Variants in COMT observed in about 807,000 individuals in gnomAD.
The protein encoded by COMT is catechol-O-methyltransferase.
In COMT, 13 loss-of-function variants were observed where a neutral mutation model predicts 18.9. The ratio of observed to expected loss-of-function variants is 0.69; its 90% CI spans 0.45 to 1.09. COMT has a LOEUF of 1.09. Among genes scored for constraint, COMT ranks in the 50% least tolerant of loss-of-function variants. The pLI, the probability that COMT is intolerant of heterozygous loss-of-function variation, is 0.00. For synonymous variants in COMT, 150 were observed against 160.9 expected, an observed-to-expected ratio of 0.93 and a Z score of 0.51; for missense variants, 329 against 361.8, an observed-to-expected ratio of 0.91 and a Z score of 0.73.
intron 1 of COMT, among the ~76,000 whole-genome samples, chr22:19,952,661 A>AC (rs932907313): frequency 8.4e-5 from 11 of 131,622 alleles, no homozygotes; most frequent in Admixed American, 3.9e-4. Context: ...AACAACAACA[A>AC]AAAAAAAACA....
intron 1 of COMT, among the ~76,000 whole-genome samples, chr22:19,942,278 G>A (rs1373296744): frequency 2.0e-5 from 3 of 152,192 alleles, no homozygotes; most frequent in African/African-American, 7.2e-5. Context: ...AGAGTCACAG[G>A]GGAGGGTCCC....
chr22:19,944,908 C>T (rs746796416), intron 1 of COMT, among the ~76,000 whole-genome samples: 2 of 152,208 alleles, frequency 1.3e-5, no homozygotes, highest in African/African-American at 2.4e-5. Flanking sequence ...TGTTATATTT[C>T]TCCACTGAAG....
chr22:19,965,355 A>G (rs1204030126), intron 5 of COMT: 1 of 152,132 alleles, frequency 6.6e-6, no homozygotes, highest in Non-Finnish European at 1.5e-5. Flanking sequence ...ATATATATAT[A>G]TATTTTAGAT....
At position 19,962,739 on chromosome 22, in the gene COMT, C is replaced by CA; in HGVS notation, c.213_214insA (p.Ala72SerfsTer9). On this transcript the variant is annotated frameshift_variant, in exon 3 of 6. Transcript: ENST00000361682. LOFTEE classifies it high-confidence loss of function. ...TGCTGCAGCATGCGGAGCCCGGGAA[C>CA]GCACAGAGCGTGCTGGAGGCCATTG... 1 of 1,613,736 alleles carries CA rather than the reference C, an allele frequency of 6.2e-7. No homozygotes were observed.
chr22:19,968,827 C>T lies in COMT; in HGVS notation c.*91C>T. The T allele has an allele frequency of 7.8e-7, 1 of 1,283,918 alleles. No homozygotes were observed. The highest frequency in any genetic ancestry group is 1.3e-5 in the South Asian group (1 of 79,970). The allele number at this position is 1,283,918 out of a possible 1,614,324, so 79.5% of individuals were successfully genotyped here. A position where few individuals can be genotyped will look rare whatever the true frequency, so the allele number is the denominator to read the frequency against. On this transcript the variant is annotated 3_prime_UTR_variant, in exon 6 of 6. Transcript: ENST00000361682. ...CCTGCTGACCTTCTGCGGCTCCGGG[C>T]TGTGTCCTAAATGCAAAGCACACCT...
At chr22:19,962,926 C>G (rs1942233226) in intron 3 of COMT, 111 bp downstream of exon 3, 3 of 1,372,566 alleles carry the variant, frequency 2.2e-6, no homozygotes, top group Admixed American at 4.8e-5. Flanking sequence ...GCTGGGAACC[C>G]TGGGATATGC....
intron 2 of COMT, chr22:19,962,142 A>C: frequency 6.3e-6 from 2 of 315,538 alleles, no homozygotes; most frequent in South Asian, 3.3e-5. Context: ...ACTCCGGGCC[A>C]TGGGGCTTCC....
Position 19,943,697 on chromosome 22 carries a change from A to G in COMT, c.-92+1800A>G, listed in dbSNP as rs573959326. Among the ~76,000 whole-genome samples, 82 of 152,278 alleles carry G rather than the reference A, an allele frequency of 5.4e-4. No individual in the cohort carries two copies. The South Asian group carries it at 0.017, about 32-fold the overall frequency. ...TAAAAAGAAAGAAAGAAATAAAAACAAAGATGAATGGAGCTGTTGATAAAC... is the reference window on the plus strand; with the variant it reads ...TAAAAAGAAAGAAAGAAATAAAAACGAAGATGAATGGAGCTGTTGATAAAC... On this transcript the variant is annotated intron_variant, in intron 1 of 5. Coordinates refer to ENST00000361682, the MANE Select transcript of COMT (RefSeq NM_000754.4).
chr22:19,960,245 TCTAACA>T (rs2146158958), intron 1 of COMT, among the ~76,000 whole-genome samples: 1 of 152,358 alleles, frequency 6.6e-6, no homozygotes, highest in South Asian at 2.1e-4. Flanking sequence ...GGTATATATT[TCTAACA>T]CTGTTTTTTA....
chr22:19,945,311 T>A (rs1400584779), intron 1 of COMT, among the ~76,000 whole-genome samples: 1 of 152,204 alleles, frequency 6.6e-6, no homozygotes, highest in Non-Finnish European at 1.5e-5. Flanking sequence ...GTAAGCCACA[T>A]ACCAGGCCAA....
intron 5 of COMT, chr22:19,966,996 T>C: frequency 1.0e-6 from 1 of 985,420 alleles, no homozygotes; most frequent in Non-Finnish European, 1.2e-6. Context: ...CTCCAGGTGG[T>C]CTGAGTAGCT....
In COMT at chr22:19,968,650, T is replaced by C; in HGVS notation, c.730T>C (p.Tyr244His). The change falls in exon 6 of 6, where the codon TAC (tyrosine) becomes CAC (histidine). Residue 244 changes from tyrosine (Y) to histidine (H), a missense_variant. Coordinates refer to ENST00000361682, the MANE Select transcript of COMT (RefSeq NM_000754.4). ...RGSSCFECTH[Y>H]QSFLEYREVV... Reference sequence around the variant, plus strand: ...GAGCAGCTGCTTTGAGTGCACACACTACCAATCGTTCCTGGAATACAGGGA... The same window carrying C: ...GAGCAGCTGCTTTGAGTGCACACACCACCAATCGTTCCTGGAATACAGGGA... The C allele has an allele frequency of 6.2e-7, 1 of 1,614,048 alleles. No homozygotes were observed. Among genetic ancestry groups the C allele is most frequent in the South Asian group, 1.1e-5 (1 of 91,090 alleles).
intron 4 of COMT, 85 bp from the exon 5 acceptor site, chr22:19,964,083 T>C (rs777724220): frequency 7.4e-5 from 119 of 1,610,596 alleles, no homozygotes; most frequent in Non-Finnish European, 9.3e-5. Flanking sequence ...TGTGTGGGCG[T>C]GGGCACTGAC....
At chr22:19,967,078 T>G (rs2146188676) in intron 5 of COMT, 1 of 1,228,454 alleles carries the variant, frequency 8.1e-7, no homozygotes. Flanking sequence ...ACCAGTTTCG[T>G]AAAGGAGTGG....
chr22:19,967,307 G>A (rs1324480163), intron 5 of COMT: 1 of 955,682 alleles, frequency 1.0e-6, no homozygotes, highest in South Asian at 1.4e-5. Flanking sequence ...AGACTGGAAG[G>A]CAGCCGCCCT....
intron 1 of COMT, among the ~76,000 whole-genome samples, chr22:19,948,942 G>A (rs1310855305): frequency 2.5e-5 from 3 of 117,760 alleles, no homozygotes; most frequent in Non-Finnish European, 3.3e-5. Flanking sequence ...GTAACAGAGC[G>A]AGACTCTGTC....
chr22:19,953,139 G>A (rs759994599), intron 1 of COMT, among the ~76,000 whole-genome samples: 2 of 152,068 alleles, frequency 1.3e-5, no homozygotes, highest in Admixed American at 6.5e-5. Flanking sequence ...CTGCTGCCAC[G>A]GTGGGCCTCA....
chr22:19,951,298 G>A (rs1431855349), intron 1 of COMT, among the ~76,000 whole-genome samples: 1 of 137,632 alleles, frequency 7.3e-6, no homozygotes, highest in Non-Finnish European at 1.5e-5. Context: ...GACGGAGCTT[G>A]CAATGAGCCG....
In COMT at chr22:19,962,442, C is replaced by T; in HGVS notation, c.1-85C>T. ...TTGCCCCTCTGCAAACACAAGGGGG[C>T]GATGGTGGCACTCCAAGCAAAGGGG... On this transcript the variant is annotated intron_variant, in intron 2 of 5. Transcript: ENST00000361682. 14 of 1,536,230 alleles carry T rather than the reference C, an allele frequency of 9.1e-6. No individual in the cohort carries two copies. The South Asian group carries it at 9.6e-5, about 11-fold the overall frequency.
Sources: allele counts gnomAD v4.1 joint callset (sites outside exome capture counted in the v4.1 genomes callset), GRCh38; gene constraint gnomAD v4.1.1; transcripts MANE v1.5; gene names NCBI Gene and HGNC (gene_info 2026-07-23, HGNC 2026-07-21).